CTNNA3: variants seen among roughly 807,000 people sequenced by gnomAD.
The protein encoded by CTNNA3 is catenin alpha-3.
A neutral mutation model predicts 95.7 loss-of-function variants in CTNNA3; 76 were observed. That is an observed-to-expected ratio of 0.79 (90% CI 0.66 to 0.96). The LOEUF (loss-of-function observed/expected upper bound fraction) is 0.96, where lower values mean the gene tolerates loss of function less well. CTNNA3 is among the 40% of genes least tolerant of loss of function. CTNNA3 has a pLI of 0.00. For synonymous variants in CTNNA3, 431 were observed against 374.4 expected (o/e 1.15, Z -1.74); for missense variants, 1,191 against 1,089.8 (o/e 1.09, Z -1.31).
At chr10:67,459,684 G>C (rs1847305914) in intron 5 of CTNNA3, among the ~76,000 whole-genome samples, 1 of 152,138 alleles carries the variant, frequency 6.6e-6, no homozygotes, top group African/African-American at 2.4e-5. Flanking sequence ...AAAGCAAAAT[G>C]TCTTCATCAC....
At chr10:66,168,711 T>A (rs1208241702) in intron 13 of CTNNA3, among the ~76,000 whole-genome samples, 1 of 152,194 alleles carries the variant, frequency 6.6e-6, no homozygotes, top group Non-Finnish European at 1.5e-5. Flanking sequence ...GTAACTGCAA[T>A]AATATCATTT....
At chr10:66,853,051 G>A (rs984226184) in intron 7 of CTNNA3, among the ~76,000 whole-genome samples, 2 of 143,558 alleles carry the variant, frequency 1.4e-5, no homozygotes, top group African/African-American at 5.2e-5. Flanking sequence ...TTTTTGTATG[G>A]TTCATGAGCT....
intron 9 of CTNNA3, among the ~76,000 whole-genome samples, chr10:66,729,574 A>G (rs1287306959): frequency 2.1e-5 from 3 of 144,190 alleles, no homozygotes; most frequent in Non-Finnish European, 3.0e-5. Flanking sequence ...TCTCACTTAT[A>G]AGTGGGAGCT....
intron 5 of CTNNA3, among the ~76,000 whole-genome samples, chr10:67,452,976 G>C (rs12416557): frequency 0.1 from 15,615 of 152,190 alleles, 1,050 homozygotes; most frequent in African/African-American, 0.17. Context: ...GTAGTGGAGG[G>C]TATTAGCCAC....
intron 7 of CTNNA3, among the ~76,000 whole-genome samples, chr10:66,919,617 T>G (rs1846683189): frequency 6.6e-6 from 1 of 152,194 alleles, no homozygotes; most frequent in African/African-American, 2.4e-5. Context: ...GAGACCATTT[T>G]AATGGTCAGA....
At chr10:66,819,883 G>A (rs577396735) in intron 7 of CTNNA3, among the ~76,000 whole-genome samples, 1 of 152,190 alleles carries the variant, frequency 6.6e-6, no homozygotes, top group East Asian at 1.9e-4. Context: ...ATCACTGATG[G>A]GAATGTAAAA....
chr10:66,492,017 A>G (rs1839940723), intron 11 of CTNNA3, among the ~76,000 whole-genome samples: 1 of 151,994 alleles, frequency 6.6e-6, no homozygotes, highest in Non-Finnish European at 1.5e-5. Flanking sequence ...GTCCCTCTGT[A>G]CATATGAACA....
At chr10:66,007,017 C>T (rs936354070) in intron 15 of CTNNA3, among the ~76,000 whole-genome samples, 1 of 151,980 alleles carries the variant, frequency 6.6e-6, no homozygotes, top group Admixed American at 6.6e-5. Flanking sequence ...CTTTGGCATG[C>T]CCCCCGCACC....
At chr10:66,342,059 T>C (rs1191421566) in intron 12 of CTNNA3, among the ~76,000 whole-genome samples, 1 of 152,054 alleles carries the variant, frequency 6.6e-6, no homozygotes, top group African/African-American at 2.4e-5. Flanking sequence ...TTACACAAGA[T>C]CACACAGATT....
rs1564948470 is a variant in CTNNA3, at chr10:67,180,412, A to G, written c.952T>C (p.Ser318Pro). 6.2e-7 allele frequency: 1 copy of G among 1,613,948 alleles called. No individual in the cohort carries two copies. The highest frequency in any genetic ancestry group is 8.5e-7 in the Non-Finnish European group (1 of 1,179,888). The change falls in exon 7 of 18, where the codon TCA (serine) becomes CCA (proline). Residue 318 changes from serine (S) to proline (P), a missense_variant. Coordinates refer to ENST00000433211, the MANE Select transcript of CTNNA3 (RefSeq NM_013266.4). ...ISGAALLADS[S>P]CTRDLHRERI... ...TCTCGGTGTAAGTCCCTCGTACATG[A>G]AGAATCCGCCAGCAGAGCAGCCCCA...
At chr10:67,393,785 TC>T (rs1488319414) in intron 5 of CTNNA3, among the ~76,000 whole-genome samples, 4 of 152,148 alleles carry the variant, frequency 2.6e-5, no homozygotes, top group Non-Finnish European at 5.9e-5. Flanking sequence ...CTTCTAGCTA[TC>T]AAGGTAAAAT....
At chr10:67,559,165 G>C (rs545340890) in intron 3 of CTNNA3, among the ~76,000 whole-genome samples, 5 of 152,226 alleles carry the variant, frequency 3.3e-5, no homozygotes, top group African/African-American at 7.2e-5. Flanking sequence ...CTGGAGATCT[G>C]AGAACAGGCA....
chr10:66,185,456 T>C (rs1012085336), intron 13 of CTNNA3, among the ~76,000 whole-genome samples: 3 of 152,018 alleles, frequency 2.0e-5, no homozygotes, highest in African/African-American at 7.2e-5. Context: ...AATGAATTCA[T>C]GAAAACAATG....
chr10:66,879,237 A>T (rs1359486337), intron 7 of CTNNA3, among the ~76,000 whole-genome samples: 9 of 152,130 alleles, frequency 5.9e-5, no homozygotes, highest in Admixed American at 5.9e-4. Flanking sequence ...CAGCACCAAC[A>T]TTTACTACTA....
chr10:67,190,141 T>C (rs558434806), intron 6 of CTNNA3, among the ~76,000 whole-genome samples: 1 of 152,138 alleles, frequency 6.6e-6, no homozygotes, highest in South Asian at 2.1e-4. Context: ...GAAAACTCTA[T>C]GGCCTCTAGA....
chr10:66,088,510 T>C (rs1441153047), intron 14 of CTNNA3, among the ~76,000 whole-genome samples: 1 of 151,050 alleles, frequency 6.6e-6, no homozygotes, highest in African/African-American at 2.4e-5. Context: ...TGTGTGTGTG[T>C]GTGTGTGTGT....
intron 13 of CTNNA3, among the ~76,000 whole-genome samples, chr10:66,221,101 T>C (rs760485220): frequency 3.9e-5 from 6 of 152,180 alleles, no homozygotes; most frequent in Non-Finnish European, 8.8e-5. Flanking sequence ...TCCTATACTA[T>C]TCAGGAGAGC....
intron 10 of CTNNA3, among the ~76,000 whole-genome samples, chr10:66,597,598 G>C (rs1338101274): frequency 1.5e-5 from 2 of 136,870 alleles, no homozygotes; most frequent in African/African-American, 5.4e-5. Context: ...ATAAAAATCA[G>C]TTACAAGAAA....
At chr10:67,350,058 G>A (rs376778924) in intron 5 of CTNNA3, among the ~76,000 whole-genome samples, 4 of 152,050 alleles carry the variant, frequency 2.6e-5, no homozygotes, top group Admixed American at 6.6e-5. Context: ...TACCAATTTC[G>A]GGCATGTATT....
Sources: allele counts gnomAD v4.1 joint callset (sites outside exome capture counted in the v4.1 genomes callset), GRCh38; gene constraint gnomAD v4.1.1; transcripts MANE v1.5; gene names NCBI Gene and HGNC (gene_info 2026-07-23, HGNC 2026-07-21).